GOLPH3L: variants seen among roughly 807,000 people sequenced by gnomAD.
GOLPH3L encodes golgi phosphoprotein 3 like, also known as Golgi phosphoprotein 3-like.
GOLPH3L carries 22 observed loss-of-function variants against 30.3 expected under a neutral mutation model. That is an observed-to-expected ratio of 0.73 (90% CI 0.52 to 1.04). The LOEUF (loss-of-function observed/expected upper bound fraction) is 1.04. GOLPH3L is among the 50% of genes least tolerant of loss of function. The pLI is 0.00. For synonymous variants in GOLPH3L, 120 were observed against 128.2 expected, an observed-to-expected ratio of 0.94 and a Z score of 0.43; for missense variants, 303 against 345.8, an observed-to-expected ratio of 0.88 and a Z score of 0.98.
At chr1:150,655,419 C>T (rs587638021) in intron 4 of GOLPH3L, among the ~76,000 whole-genome samples, 1 of 152,226 alleles carries the variant, frequency 6.6e-6, no homozygotes, top group African/African-American at 2.4e-5. Context: ...AGCACAAGTT[C>T]TAATTCCAGA....
At chr1:150,673,999 A>AT (rs1486058348) in intron 2 of GOLPH3L, among the ~76,000 whole-genome samples, 3 of 151,770 alleles carry the variant, frequency 2.0e-5, no homozygotes, top group Non-Finnish European at 2.9e-5. Context: ...AACTCACGTG[A>AT]TTTTTTTAAA....
intron 4 of GOLPH3L, among the ~76,000 whole-genome samples, chr1:150,659,528 T>C (rs915999250): frequency 3.3e-5 from 5 of 152,206 alleles, no homozygotes; most frequent in Non-Finnish European, 7.3e-5. Context: ...CCATAAGGAA[T>C]ACTTTTAGTA....
chr1:150,663,300 A>G (rs957898370), intron 3 of GOLPH3L, among the ~76,000 whole-genome samples: 20 of 152,184 alleles, frequency 1.3e-4, no homozygotes, highest in Non-Finnish European at 2.1e-4. Flanking sequence ...TCGGCCTCTC[A>G]AAGTGCTGGG....
At chr1:150,690,320 T>C (rs1651182586) in intron 2 of GOLPH3L, among the ~76,000 whole-genome samples, 1 of 152,100 alleles carries the variant, frequency 6.6e-6, no homozygotes, top group African/African-American at 2.4e-5. Flanking sequence ...AATACTGGGT[T>C]CTAAACAGAG....
intron 2 of GOLPH3L, among the ~76,000 whole-genome samples, chr1:150,685,586 C>A (rs917384724): frequency 3.9e-5 from 6 of 151,944 alleles, no homozygotes; most frequent in African/African-American, 1.5e-4. Flanking sequence ...TGGTGGCATG[C>A]ACCTTATAGT....
intron 2 of GOLPH3L, among the ~76,000 whole-genome samples, chr1:150,690,589 G>A (rs183329576): frequency 9.9e-5 from 15 of 152,202 alleles, no homozygotes; most frequent in Admixed American, 9.8e-4. Flanking sequence ...GTCTCTGCCT[G>A]GTAACAAAAT....
chr1:150,662,135 A>G (rs1306445366), intron 3 of GOLPH3L, among the ~76,000 whole-genome samples: 2 of 152,172 alleles, frequency 1.3e-5, no homozygotes, highest in African/African-American at 4.8e-5. Flanking sequence ...CCCTAGTGAC[A>G]AACTGGATAT....
At chr1:150,651,426 G>A (rs587629724) in intron 4 of GOLPH3L, among the ~76,000 whole-genome samples, 2 of 152,136 alleles carry the variant, frequency 1.3e-5, no homozygotes, top group East Asian at 1.9e-4. Context: ...GAGGCAGGCG[G>A]ATTACTTGAA....
intron 2 of GOLPH3L, among the ~76,000 whole-genome samples, chr1:150,681,553 G>C (rs1650948056): frequency 6.6e-6 from 1 of 152,084 alleles, no homozygotes; most frequent in African/African-American, 2.4e-5. Context: ...CAGATGAAGT[G>C]GGGCTTAGAA....
intron 4 of GOLPH3L, among the ~76,000 whole-genome samples, chr1:150,652,436 G>C (rs1650143552): frequency 7.8e-6 from 1 of 128,260 alleles, no homozygotes; most frequent in Admixed American, 7.6e-5. Flanking sequence ...CAAAAATGAA[G>C]GCAAAGAAAA....
intron 2 of GOLPH3L, among the ~76,000 whole-genome samples, chr1:150,689,798 G>C (rs1651167784): frequency 6.6e-6 from 1 of 151,854 alleles, no homozygotes; most frequent in Non-Finnish European, 1.5e-5. Flanking sequence ...ACCACACCCA[G>C]CTAATTTTTT....
intron 2 of GOLPH3L, among the ~76,000 whole-genome samples, chr1:150,677,810 A>G (rs1187507839): frequency 6.6e-6 from 1 of 151,364 alleles, no homozygotes; most frequent in Non-Finnish European, 1.5e-5. Flanking sequence ...ATTCTTTTAG[A>G]GATGAGGGTC....
chr1:150,688,122 C>G (rs191412101), intron 2 of GOLPH3L, among the ~76,000 whole-genome samples: 9 of 152,274 alleles, frequency 5.9e-5, no homozygotes, highest in South Asian at 2.1e-4. Context: ...ATAAGAGAAG[C>G]CTTCCAGGAT....
At chr1:150,664,169 T>TA in intron 2 of GOLPH3L, among the ~76,000 whole-genome samples, 1 of 152,064 alleles carries the variant, frequency 6.6e-6, no homozygotes, top group East Asian at 1.9e-4. Context: ...TGGCTGTTTT[T>TA]AAAAAAAATT....
intron 2 of GOLPH3L, among the ~76,000 whole-genome samples, chr1:150,678,491 C>G (rs770043781): frequency 6.6e-5 from 10 of 151,900 alleles, no homozygotes; most frequent in Non-Finnish European, 1.0e-4. Context: ...AAAATTATAA[C>G]TTTTATTCTG....
At chr1:150,670,865 G>A (rs952944183) in intron 2 of GOLPH3L, among the ~76,000 whole-genome samples, 4 of 152,078 alleles carry the variant, frequency 2.6e-5, no homozygotes, top group Non-Finnish European at 5.9e-5. Context: ...GCATAGTATT[G>A]CATTTTACAT....
At chr1:150,676,634 A>ATTTTT (rs1225677880) in intron 2 of GOLPH3L, among the ~76,000 whole-genome samples, 3 of 120,960 alleles carry the variant, frequency 2.5e-5, no homozygotes, top group Admixed American at 8.5e-5. Context: ...CATACATTCT[A>ATTTTT]TTTTTTTTTT....
intron 2 of GOLPH3L, among the ~76,000 whole-genome samples, chr1:150,686,169 A>T (rs1454311596): frequency 6.6e-6 from 1 of 152,008 alleles, no homozygotes; most frequent in Non-Finnish European, 1.5e-5. Context: ...TACCGCACCC[A>T]GCCAGCATGT....
At chr1:150,693,836 TATATATA>T (rs1651271671) in intron 2 of GOLPH3L, among the ~76,000 whole-genome samples, 1 of 100,148 alleles carries the variant, frequency 1.0e-5, no homozygotes, top group African/African-American at 4.0e-5. Flanking sequence ...TATATATATA[TATATATA>T]TATATTTTTT....
Sources: allele counts gnomAD v4.1 joint callset (sites outside exome capture counted in the v4.1 genomes callset), GRCh38; gene constraint gnomAD v4.1.1; transcripts MANE v1.5; gene names NCBI Gene and HGNC (gene_info 2026-07-23, HGNC 2026-07-21).